Variants in CSMD1 observed in about 807,000 individuals in gnomAD.
CSMD1 encodes the protein CUB and sushi domain-containing protein 1.
Under a neutral mutation model 417.5 loss-of-function variants are expected in CSMD1, and 213 were observed. The ratio of observed to expected loss-of-function variants is 0.51; its 90% CI spans 0.46 to 0.57. CSMD1 has a LOEUF of 0.57. Among genes scored for constraint, CSMD1 ranks in the 20% least tolerant of loss-of-function variants. CSMD1 has a pLI of 0.00. For missense variants in CSMD1, 6,923 were observed against 4,529.7 expected (o/e 1.53, Z -15.17); for synonymous variants, 2,862 against 1,736.8 (o/e 1.65, Z -16.11).
At chr8:4,314,293 G>A (rs1000296724) in intron 3 of CSMD1, among the ~76,000 whole-genome samples, 1 of 152,082 alleles carries the variant, frequency 6.6e-6, no homozygotes, top group Non-Finnish European at 1.5e-5. Context: ...AAAGTACATA[G>A]GATTAAAGAA....
At chr8:3,415,852 G>C (rs1011732167) in intron 12 of CSMD1, among the ~76,000 whole-genome samples, 1 of 152,092 alleles carries the variant, frequency 6.6e-6, no homozygotes, top group African/African-American at 2.4e-5. Flanking sequence ...GATCTATGTT[G>C]TTTAGAAACA....
At chr8:3,326,306 A>C (rs1464370303) in intron 23 of CSMD1, among the ~76,000 whole-genome samples, 2 of 152,232 alleles carry the variant, frequency 1.3e-5, no homozygotes, top group Non-Finnish European at 2.9e-5. Flanking sequence ...ACATCAATTA[A>C]GCATCATCTT....
chr8:4,163,735 A>C (rs1441229865), intron 3 of CSMD1, among the ~76,000 whole-genome samples: 1 of 152,236 alleles, frequency 6.6e-6, no homozygotes, highest in African/African-American at 2.4e-5. Context: ...TTGATTAATC[A>C]GTAGCACTAA....
At chr8:3,767,388 T>C (rs114642789) in intron 5 of CSMD1, among the ~76,000 whole-genome samples, 1 of 152,206 alleles carries the variant, frequency 6.6e-6, no homozygotes, top group Admixed American at 6.5e-5. Context: ...CCTCAGGCCT[T>C]TACTCAGCCC....
In CSMD1 at chr8:4,268,440, G is replaced by A. The variant is rs376733446; in HGVS notation, c.415+151513C>T. The stretch of plus-strand genomic sequence containing the variant: ...GACCAATTGTTGTTTATAGCTCACA[G>A]CAAGTCTGAGGTACTGAAAGGTAGT... On this transcript the variant is annotated intron_variant, in intron 3 of 69. Coordinates refer to ENST00000635120, the MANE Select transcript of CSMD1 (RefSeq NM_033225.6). Among the ~76,000 whole-genome samples the A allele has an allele frequency of 6.6e-5, 10 of 152,260 alleles. No individual in the cohort carries two copies. The East Asian group carries it at 1.9e-3, about 29-fold the overall frequency.
At chr8:4,480,725 A>G (rs17343437) in intron 2 of CSMD1, among the ~76,000 whole-genome samples, 1,829 of 152,336 alleles carry the variant, frequency 0.012, 18 homozygotes, top group Non-Finnish European at 0.019. Flanking sequence ...CTGGTATAGA[A>G]TCCACTTTTT....
chr8:4,607,613 G>C (rs765296402), intron 2 of CSMD1, among the ~76,000 whole-genome samples: 1 of 152,040 alleles, frequency 6.6e-6, no homozygotes, highest in Admixed American at 6.5e-5. Context: ...AACATCATGA[G>C]AGTTCTGGCG....
chr8:3,663,009 T>C (rs1012149859), intron 7 of CSMD1, among the ~76,000 whole-genome samples: 5 of 151,706 alleles, frequency 3.3e-5, no homozygotes, highest in Non-Finnish European at 4.4e-5. Flanking sequence ...GTAAAATAAA[T>C]AAATAAATAA....
chr8:3,337,860 G>A (rs1013100743), intron 23 of CSMD1, among the ~76,000 whole-genome samples: 6 of 152,290 alleles, frequency 3.9e-5, no homozygotes, highest in East Asian at 1.9e-4. Flanking sequence ...AAGTGTTTAT[G>A]ATGTTTCTTC....
chr8:4,072,602 GT>G (rs1554438155), intron 3 of CSMD1, among the ~76,000 whole-genome samples: 3 of 152,146 alleles, frequency 2.0e-5, no homozygotes, highest in Non-Finnish European at 4.4e-5. Flanking sequence ...GTATGTGTTT[GT>G]GTTTTCTGTG....
In CSMD1 at chr8:3,029,452, TG is replaced by T; in HGVS notation, c.7721del (p.Ser2574Ter). ...LSEHVIWRLV[S>X]GSLNEYGAQV... is the part of the protein sequence containing the mutation. ...GAGCACCGTACTCATTCAAGGATCC[TG>T]AAACCAGCCTCCAGATGACATGTTC... is the stretch of plus-strand genomic sequence containing the variant. On this transcript the variant is annotated frameshift_variant, in exon 51 of 70. Transcript: ENST00000635120. LOFTEE classifies it high-confidence loss of function. 1 of 1,608,822 alleles carries T rather than the reference TG, an allele frequency of 6.2e-7. No individual in the cohort carries two copies. The highest frequency in any genetic ancestry group is 8.5e-7 in the Non-Finnish European group (1 of 1,177,710).
At chr8:3,476,641 G>T (rs920491439) in intron 11 of CSMD1, among the ~76,000 whole-genome samples, 7 of 152,056 alleles carry the variant, frequency 4.6e-5, no homozygotes, top group Admixed American at 1.3e-4. Flanking sequence ...AATCAGCCAG[G>T]CTTGGTGGCT....
chr8:3,916,828 T>G (rs994611404), intron 5 of CSMD1, among the ~76,000 whole-genome samples: 1 of 152,068 alleles, frequency 6.6e-6, no homozygotes, highest in African/African-American at 2.4e-5. Context: ...GGGGTGGTCT[T>G]AGATTGCTGC....
chr8:4,336,107 A>C (rs1475106479), intron 3 of CSMD1, among the ~76,000 whole-genome samples: 1 of 152,132 alleles, frequency 6.6e-6, no homozygotes, highest in Non-Finnish European at 1.5e-5. Flanking sequence ...AAATAGTGTA[A>C]GTATTTTTCC....
chr8:4,116,750 A>T (rs1021037254), intron 3 of CSMD1, among the ~76,000 whole-genome samples: 1 of 151,976 alleles, frequency 6.6e-6, no homozygotes, highest in African/African-American at 2.4e-5. Context: ...CTACGTGGAG[A>T]GGCAGGGGGT....
chr8:4,768,800 T>C (rs975768379), intron 1 of CSMD1, among the ~76,000 whole-genome samples: 1 of 152,146 alleles, frequency 6.6e-6, no homozygotes, highest in Non-Finnish European at 1.5e-5. Flanking sequence ...AGAGAGGAAT[T>C]AATAAAACAA....
At chr8:4,747,034 G>C (rs115381755) in intron 1 of CSMD1, among the ~76,000 whole-genome samples, 2 of 152,130 alleles carry the variant, frequency 1.3e-5, no homozygotes, top group South Asian at 4.1e-4. Flanking sequence ...CACTGAGTAG[G>C]GAGGGCCTCC....
At chr8:4,659,654 A>C (rs765196318) in intron 1 of CSMD1, among the ~76,000 whole-genome samples, 4 of 152,114 alleles carry the variant, frequency 2.6e-5, no homozygotes, top group Non-Finnish European at 5.9e-5. Context: ...GCGACAGGGG[A>C]GTGACTGTTT....
At chr8:4,485,376 T>C (rs1412561325) in intron 2 of CSMD1, among the ~76,000 whole-genome samples, 1 of 152,138 alleles carries the variant, frequency 6.6e-6, no homozygotes, top group East Asian at 1.9e-4. Flanking sequence ...TAACACCAAA[T>C]GAAACCATTG....
Sources: gnomAD v4.1 joint callset for allele counts (sites outside exome capture counted in the v4.1 genomes callset) on GRCh38, gnomAD v4.1.1 for gene constraint, MANE v1.5 for transcripts, NCBI Gene and HGNC (gene_info 2026-07-23, HGNC 2026-07-21) for gene names.